MROH2B: variants seen among roughly 807,000 people sequenced by gnomAD.
MROH2B encodes maestro heat like repeat family member 2B.
Under a neutral mutation model 208.6 loss-of-function variants are expected in MROH2B, and 177 were observed. The ratio of observed to expected loss-of-function variants is 0.85; its 90% CI spans 0.75 to 0.96. The LOEUF (loss-of-function observed/expected upper bound fraction) is 0.96. Among genes scored for constraint, MROH2B ranks in the 40% least tolerant of loss-of-function variants. The pLI is 0.00. For synonymous variants in MROH2B, 728 were observed against 659.0 expected (o/e 1.10, Z -1.60); for missense variants, 2,002 against 1,878.7 (o/e 1.07, Z -1.21).
intron 41 of MROH2B, 102 bp downstream of exon 41, chr5:40,998,510 A>C: frequency 1.0e-6 from 1 of 965,716 alleles, no homozygotes; most frequent in Non-Finnish European, 1.6e-6. Flanking sequence ...ATTGGTACTA[A>C]GATTTTCAAG....
At chr5:41,009,133 A>C in intron 32 of MROH2B, 147 bp downstream of exon 32, 13 of 1,132,656 alleles carry the variant, frequency 1.1e-5, no homozygotes, top group Non-Finnish European at 1.5e-5. Context: ...AGACAAAAGT[A>C]GAGCCACAAC....
intron 16 of MROH2B, 28 bp from the exon 17 acceptor site, chr5:41,047,792 G>A (rs759505345): frequency 4.0e-5 from 63 of 1,559,672 alleles, no homozygotes; most frequent in South Asian, 2.3e-4. Context: ...TGTAATAATC[G>A]CAAAAAAACA....
In MROH2B at chr5:41,012,578, T is replaced by C; in HGVS notation, c.3135+5A>G. The C allele has an allele frequency of 6.2e-7, 1 of 1,606,058 alleles. No homozygotes were observed. Among genetic ancestry groups the C allele is most frequent in the Non-Finnish European group, 8.5e-7 (1 of 1,177,740 alleles). On this transcript the variant is annotated splice_donor_5th_base_variant and intron_variant, in intron 30 of 41. Coordinates refer to ENST00000399564, the MANE Select transcript of MROH2B (RefSeq NM_173489.5). ...TTCAGTTGTTAAAACTGGCTATCAGTTCACCTGATCTTCCAGAGCAGCTCC... is the reference window on the plus strand; with the variant it reads ...TTCAGTTGTTAAAACTGGCTATCAGCTCACCTGATCTTCCAGAGCAGCTCC...
intron 3 of MROH2B, 89 bp downstream of exon 3, chr5:41,067,019 T>C (rs941930327): frequency 2.7e-6 from 2 of 737,488 alleles, no homozygotes; most frequent in Non-Finnish European, 4.8e-6. Context: ...TTTGTGGTCC[T>C]GGCAACAGTG....
intron 28 of MROH2B, among the ~76,000 whole-genome samples, chr5:41,015,788 A>G (rs963426374): frequency 1.3e-5 from 2 of 152,208 alleles, no homozygotes. Context: ...TAAAAATAGG[A>G]GAGTCTGAAT....
Position 41,039,640 on chromosome 5 carries a change from T to C in MROH2B, c.1954-85A>G. 3 of 921,834 alleles carry C rather than the reference T, an allele frequency of 3.3e-6. No individual in the cohort carries two copies. In the South Asian group the frequency reaches 5.4e-5, roughly 17 times the overall value. The allele number at this position is 921,834 out of a possible 1,614,324, so 57.1% of individuals were successfully genotyped here. On this transcript the variant is annotated intron_variant, in intron 19 of 41. Coordinates refer to ENST00000399564, the MANE Select transcript of MROH2B (RefSeq NM_173489.5). ...TACTGAGCACCTATTATGTGCCAGG[T>C]ATCCTTTAGGTGCTGGGGGTACAGT...
chr5:41,010,442 T>C (rs1018088709), intron 30 of MROH2B, among the ~76,000 whole-genome samples: 6 of 152,108 alleles, frequency 3.9e-5, no homozygotes, highest in Admixed American at 3.3e-4. Context: ...TGGCAAATGG[T>C]ATACATGAGG....
chr5:41,057,075 T>C (rs1743478092), intron 9 of MROH2B, 34 bp downstream of exon 9: 11 of 1,609,340 alleles, frequency 6.8e-6, no homozygotes, highest in Non-Finnish European at 9.4e-6. Context: ...CTTGGGGACA[T>C]TTTTATTAAA....
chr5:41,009,395 G>A lies in MROH2B; in HGVS notation c.3305C>T (p.Thr1102Ile). The change falls in exon 32 of 42, where the codon ACA becomes ATA. Residue 1102 changes from threonine to isoleucine, a missense_variant. Thr to Ile is a moderately conservative substitution (Grantham distance 89). Coordinates refer to ENST00000399564, the MANE Select transcript of MROH2B (RefSeq NM_173489.5). Reference protein sequence around the residue: ...KPLPFDRDTKTLWKALAEKPA... With the variant: ...KPLPFDRDTKILWKALAEKPA... ...CTTTTCAGCCAGCGCCTTCCACAAT[G>A]TCTTTGTGTCCCTAGGGTGGCAAAG... The A allele has an allele frequency of 1.2e-6, 2 of 1,613,762 alleles. No homozygotes were observed. Among genetic ancestry groups the A allele is most frequent in the Non-Finnish European group, 8.5e-7 (1 of 1,179,772 alleles).
At chr5:41,005,209 C>A (rs1199558327) in intron 35 of MROH2B, 1 of 525,534 alleles carries the variant, frequency 1.9e-6, no homozygotes, top group Non-Finnish European at 3.4e-6. Flanking sequence ...TTTTCCTTCT[C>A]TGGATTGGCT....
In MROH2B at chr5:41,012,739, A is replaced by G; in HGVS notation, c.2983-4T>C. 1 of 1,612,946 alleles carries G rather than the reference A, an allele frequency of 6.2e-7. No individual in the cohort carries two copies. The highest frequency in any genetic ancestry group is 8.5e-7 in the Non-Finnish European group (1 of 1,179,432). ...TTGGGATGAACTTACTGACAATCTGAAAATGCACCCAGAAAGATTCGTGTA... is the reference window on the plus strand; with the variant it reads ...TTGGGATGAACTTACTGACAATCTGGAAATGCACCCAGAAAGATTCGTGTA... On this transcript the variant is annotated splice_polypyrimidine_tract_variant and splice_region_variant and intron_variant, in intron 29 of 41. Transcript: ENST00000399564.
At chr5:41,065,604 T>C (rs1579962803) in intron 3 of MROH2B, 114 bp from the exon 4 acceptor site, 1 of 856,654 alleles carries the variant, frequency 1.2e-6, no homozygotes, top group East Asian at 2.8e-5. Flanking sequence ...TTTAAAATTA[T>C]AGATTCAGGG....
chr5:41,060,445 G>T (rs1370034115), intron 6 of MROH2B, among the ~76,000 whole-genome samples: 1 of 152,054 alleles, frequency 6.6e-6, no homozygotes, highest in Non-Finnish European at 1.5e-5. Context: ...CCATCTTTCT[G>T]GTTTCATTTC....
At chr5:41,058,826 C>T (rs952456146) in intron 6 of MROH2B, among the ~76,000 whole-genome samples, 2 of 151,912 alleles carry the variant, frequency 1.3e-5, no homozygotes, top group South Asian at 2.1e-4. Flanking sequence ...GCAGGCGGAT[C>T]GCCTGAGGTT....
chr5:41,000,821 C>T lies in MROH2B; in HGVS notation c.4207G>A (p.Val1403Met), dbSNP rs1342699778. Residue 1403 changes from valine to methionine, a missense_variant, in exon 38 of 42, where the codon GTG becomes ATG. Coordinates refer to ENST00000399564, the MANE Select transcript of MROH2B (RefSeq NM_173489.5). ...RTFFEDEQDD[V>M]RLTAIFLFED... ...AATAAGAAGATGGCAGTCAATCTCA[C>T]ATCATCCTGCTCCTGTGGTGACGAA... 1.2e-6 allele frequency: 2 copies of T among 1,610,944 alleles called. No individual in the cohort carries two copies. Among genetic ancestry groups the T allele is most frequent in the East Asian group, 4.5e-5 (2 of 44,802 alleles).
At chr5:41,021,796 G>A (rs978893032) in intron 24 of MROH2B, among the ~76,000 whole-genome samples, 6 of 152,088 alleles carry the variant, frequency 3.9e-5, no homozygotes, top group African/African-American at 1.4e-4. Context: ...AGAATCACTT[G>A]AGCCCAGGAG....
intron 28 of MROH2B, among the ~76,000 whole-genome samples, chr5:41,016,357 A>G (rs891716698): frequency 4.6e-5 from 7 of 152,154 alleles, no homozygotes; most frequent in African/African-American, 1.7e-4. Flanking sequence ...TTCTATTAAC[A>G]AAGAGTGTTT....
intron 18 of MROH2B, among the ~76,000 whole-genome samples, 194 bp downstream of exon 18, chr5:41,045,552 G>A (rs904209600): frequency 2.6e-5 from 4 of 152,066 alleles, no homozygotes; most frequent in African/African-American, 9.7e-5. Context: ...GGCCATATGA[G>A]TAAATTTGGG....
chr5:41,066,205 T>C (rs889937447), intron 3 of MROH2B, among the ~76,000 whole-genome samples: 1 of 152,174 alleles, frequency 6.6e-6, no homozygotes, highest in Non-Finnish European at 1.5e-5. Flanking sequence ...TCATGTCCAG[T>C]ATTGGTGGTA....
Sources: allele counts gnomAD v4.1 joint callset (sites outside exome capture counted in the v4.1 genomes callset), GRCh38; gene constraint gnomAD v4.1.1; transcripts MANE v1.5; gene names NCBI Gene and HGNC (gene_info 2026-07-23, HGNC 2026-07-21).